The following NPSR1 variants were observed in gnomAD, a reference collection of about 807,000 sequenced individuals.
NPSR1 encodes the protein neuropeptide S receptor.
Under a neutral mutation model 46.9 loss-of-function variants are expected in NPSR1, and 48 were observed. That is an observed-to-expected ratio of 1.02 (90% CI 0.81 to 1.30). The LOEUF is 1.30. NPSR1 is among the 50% of genes most tolerant of loss of function. The probability of loss-of-function intolerance (pLI) is 0.00; values close to 1 mark genes in which losing one functional copy is unlikely to be tolerated. For missense variants in NPSR1, 450 were observed against 449.5 expected (o/e 1.00, Z -0.01); for synonymous variants, 176 against 168.1 (o/e 1.05, Z -0.36).
chr7:34,660,904 C>G (rs980549431), intron 1 of NPSR1, among the ~76,000 whole-genome samples: 2 of 152,114 alleles, frequency 1.3e-5, no homozygotes, highest in East Asian at 3.9e-4. Context: ...CGGACTGTAC[C>G]TCTCTTCTTG....
intron 2 of NPSR1, among the ~76,000 whole-genome samples, chr7:34,775,142 A>G (rs543877752): frequency 1.2e-4 from 19 of 152,222 alleles, no homozygotes; most frequent in Non-Finnish European, 2.6e-4. Flanking sequence ...TCTTAATGAC[A>G]TCTTTGATGT....
At chr7:34,863,401 G>A (rs1791235572) in intron 8 of NPSR1, among the ~76,000 whole-genome samples, 1 of 151,798 alleles carries the variant, frequency 6.6e-6, no homozygotes, top group African/African-American at 2.4e-5. Flanking sequence ...AAACTAAAGA[G>A]CTTCTGCACA....
At chr7:34,792,538 T>TAC (rs539175545) in intron 3 of NPSR1, among the ~76,000 whole-genome samples, 16 of 136,566 alleles carry the variant, frequency 1.2e-4, no homozygotes, top group African/African-American at 3.1e-4. Context: ...TGTACATATA[T>TAC]ACACACACAC....
chr7:34,754,866 A>T (rs1785740162), intron 2 of NPSR1, among the ~76,000 whole-genome samples: 1 of 152,200 alleles, frequency 6.6e-6, no homozygotes, highest in African/African-American at 2.4e-5. Flanking sequence ...TCCACATTTC[A>T]TATAAATGGA....
At chr7:34,847,029 A>G (rs1790761851) in intron 7 of NPSR1, among the ~76,000 whole-genome samples, 1 of 152,152 alleles carries the variant, frequency 6.6e-6, no homozygotes, top group Middle Eastern at 3.2e-3. Flanking sequence ...TTAGTGCCCC[A>G]AATACTGTTC....
At chr7:34,712,257 A>G (rs1783334872) in intron 2 of NPSR1, among the ~76,000 whole-genome samples, 1 of 152,170 alleles carries the variant, frequency 6.6e-6, no homozygotes. Context: ...CATAATATTA[A>G]TTTAATTAAT....
chr7:34,862,564 C>T (rs1415362980), intron 8 of NPSR1, among the ~76,000 whole-genome samples: 3 of 151,722 alleles, frequency 2.0e-5, no homozygotes, highest in Non-Finnish European at 1.5e-5. Flanking sequence ...TCTTTCTTTG[C>T]CTGGATGGAC....
intron 1 of NPSR1, among the ~76,000 whole-genome samples, chr7:34,681,407 C>T (rs1198937554): frequency 6.6e-6 from 1 of 152,214 alleles, no homozygotes; most frequent in Non-Finnish European, 1.5e-5. Context: ...GACCTCAGGA[C>T]ACCCTTCACC....
intron 2 of NPSR1, among the ~76,000 whole-genome samples, chr7:34,695,484 T>A (rs1448348748): frequency 6.6e-6 from 1 of 151,808 alleles, no homozygotes; most frequent in Non-Finnish European, 1.5e-5. Flanking sequence ...TTAAAAAGCT[T>A]CTGTACAACA....
chr7:34,732,048 C>G (rs996088924), intron 2 of NPSR1, among the ~76,000 whole-genome samples: 5 of 140,804 alleles, frequency 3.6e-5, no homozygotes, highest in African/African-American at 1.4e-4. Context: ...CCACGGCATT[C>G]CAGCCTGGGT....
downstream of NPSR1, among the ~76,000 whole-genome samples, chr7:34,850,259 G>C (rs1173885900): frequency 2.0e-5 from 3 of 152,180 alleles, no homozygotes; most frequent in Admixed American, 1.3e-4. Context: ...TTGTGGAAAG[G>C]GCATGCTGTT....
intron 3 of NPSR1, among the ~76,000 whole-genome samples, chr7:34,788,101 T>C (rs1787547102): frequency 6.6e-6 from 1 of 152,048 alleles, no homozygotes; most frequent in Non-Finnish European, 1.5e-5. Flanking sequence ...ATATACTATA[T>C]AAAAAATTTA....
At chr7:34,688,352 A>G (rs886473307) in intron 2 of NPSR1, among the ~76,000 whole-genome samples, 3 of 152,234 alleles carry the variant, frequency 2.0e-5, no homozygotes, top group African/African-American at 7.2e-5. Flanking sequence ...TAGATAACGA[A>G]GAGTTGCACA....
chr7:34,704,139 G>C (rs35467707), intron 2 of NPSR1: 2 of 152,122 alleles, frequency 1.3e-5, no homozygotes, highest in African/African-American at 4.8e-5. Flanking sequence ...GTGTTGAGGC[G>C]TCCAGGTCCG....
chr7:34,700,645 TC>T (rs2128695595), intron 2 of NPSR1, among the ~76,000 whole-genome samples: 1 of 152,310 alleles, frequency 6.6e-6, no homozygotes, highest in African/African-American at 2.4e-5. Flanking sequence ...CATAACATTT[TC>T]CACAAACTCA....
intron 8 of NPSR1, chr7:34,871,575 C>T (rs901113942): frequency 1.3e-5 from 2 of 151,828 alleles, no homozygotes; most frequent in African/African-American, 2.4e-5. Context: ...TCTCCTTCCA[C>T]CATCAGCCTG....
At chr7:34,706,324 T>C (rs992694468) in intron 2 of NPSR1, among the ~76,000 whole-genome samples, 4 of 151,674 alleles carry the variant, frequency 2.6e-5, no homozygotes, top group African/African-American at 9.7e-5. Context: ...TGAATACAGA[T>C]TACTTACCAT....
intron 2 of NPSR1, among the ~76,000 whole-genome samples, chr7:34,689,798 A>T (rs1168795705): frequency 1.3e-5 from 2 of 151,598 alleles, no homozygotes; most frequent in Non-Finnish European, 2.9e-5. Flanking sequence ...TTTTAAAATT[A>T]GCCAGGCATG....
chr7:34,794,132 G>C (rs1172026792), intron 3 of NPSR1, among the ~76,000 whole-genome samples: 3 of 151,976 alleles, frequency 2.0e-5, no homozygotes, highest in Non-Finnish European at 2.9e-5. Flanking sequence ...TTAAATAGAG[G>C]AACGGGTTCT....
Sources: gnomAD v4.1 joint callset for allele counts (sites outside exome capture counted in the v4.1 genomes callset) on GRCh38, gnomAD v4.1.1 for gene constraint, MANE v1.5 for transcripts, NCBI Gene and HGNC (gene_info 2026-07-23, HGNC 2026-07-21) for gene names.